Variants in HS3ST4 observed in about 807,000 individuals in gnomAD.
HS3ST4 encodes the protein heparan sulfate glucosamine 3-O-sulfotransferase 4.
Under a neutral mutation model 29.2 loss-of-function variants are expected in HS3ST4, and 17 were observed. That is an observed-to-expected ratio of 0.58 (90% CI 0.40 to 0.87). HS3ST4 has a LOEUF of 0.87. Among genes scored for constraint, HS3ST4 ranks in the 40% least tolerant of loss-of-function variants. The pLI is 0.00. For missense variants in HS3ST4, 627 were observed against 634.5 expected (o/e 0.99, Z 0.13); for synonymous variants, 314 against 285.7 (o/e 1.10, Z -1.00).
intron 1 of HS3ST4, among the ~76,000 whole-genome samples, chr16:25,964,152 G>A (rs1370631235): frequency 6.7e-6 from 1 of 149,528 alleles, no homozygotes; most frequent in Non-Finnish European, 1.5e-5. Flanking sequence ...TCCAGCCTGA[G>A]TGACAAGATT....
At position 26,003,557 on chromosome 16, in the gene HS3ST4, C is replaced by A. The variant is rs1969230711; in HGVS notation, c.735-132055C>A. On this transcript the variant is annotated intron_variant, in intron 1 of 1. Coordinates refer to ENST00000331351, the MANE Select transcript of HS3ST4 (RefSeq NM_006040.3). ...CCACCAGAAACTGAAGACTTGGATG[C>A]CCCCAGTTTAGCAATCTTAGCAGGA... 2.0e-5 allele frequency among the ~76,000 whole-genome samples: 3 copies of A among 152,242 alleles called. No homozygotes were observed. In the South Asian group the frequency reaches 6.2e-4, roughly 32 times the overall value.
At chr16:25,934,783 A>G (rs1040380044) in intron 1 of HS3ST4, among the ~76,000 whole-genome samples, 1 of 152,138 alleles carries the variant, frequency 6.6e-6, no homozygotes, top group Non-Finnish European at 1.5e-5. Flanking sequence ...GGATTTTTTA[A>G]TGTAAACTTT....
intron 1 of HS3ST4, among the ~76,000 whole-genome samples, chr16:26,109,223 A>G (rs1899095668): frequency 6.6e-6 from 1 of 152,182 alleles, no homozygotes; most frequent in South Asian, 2.1e-4. Context: ...GGCTGTGGCA[A>G]AGGGAGGCAG....
At chr16:26,132,798 G>C (rs57702844) in intron 1 of HS3ST4, among the ~76,000 whole-genome samples, 3,263 of 152,222 alleles carry the variant, frequency 0.021, 119 homozygotes, top group African/African-American at 0.074. Context: ...TGTGTCAAAA[G>C]TACATCAGGG....
intron 1 of HS3ST4, among the ~76,000 whole-genome samples, chr16:26,018,715 A>T (rs775111239): frequency 6.6e-6 from 1 of 152,096 alleles, no homozygotes; most frequent in Non-Finnish European, 1.5e-5. Flanking sequence ...CCTGGAGGCA[A>T]ATTGGGTCCT....
chr16:26,122,516 C>T (rs964243138), intron 1 of HS3ST4, among the ~76,000 whole-genome samples: 4 of 152,138 alleles, frequency 2.6e-5, no homozygotes, highest in African/African-American at 9.7e-5. Context: ...CAGTTTGAGG[C>T]GTGGGCCCGG....
intron 1 of HS3ST4, among the ~76,000 whole-genome samples, chr16:25,723,195 T>C (rs1269067881): frequency 6.6e-6 from 1 of 152,196 alleles, no homozygotes; most frequent in Non-Finnish European, 1.5e-5. Context: ...GTGACACGGC[T>C]AAACCATATT....
chr16:25,914,805 CTG>C (rs1352438036), intron 1 of HS3ST4, among the ~76,000 whole-genome samples: 1 of 151,768 alleles, frequency 6.6e-6, no homozygotes, highest in East Asian at 1.9e-4. Flanking sequence ...TCTCACCCCT[CTG>C]TGAGAAACAG....
intron 1 of HS3ST4, among the ~76,000 whole-genome samples, chr16:26,037,952 A>T (rs1969598177): frequency 6.6e-6 from 1 of 152,142 alleles, no homozygotes; most frequent in African/African-American, 2.4e-5. Context: ...CAAAGCATAT[A>T]ACAGATCAGG....
intron 1 of HS3ST4, among the ~76,000 whole-genome samples, chr16:25,920,190 A>C (rs957193097): frequency 1.3e-5 from 2 of 152,172 alleles, no homozygotes; most frequent in Non-Finnish European, 2.9e-5. Context: ...GGAATATTGC[A>C]GTAACCTAAG....
Position 26,077,213 on chromosome 16 carries a change from A to G in HS3ST4, c.735-58399A>G, listed in dbSNP as rs192077684. ...TCCAAGATGGTGAACAAAAGCAGGA[A>G]CTGCAAGGCCATTTAGGGCCCAGGG... On this transcript the variant is annotated intron_variant, in intron 1 of 1. Coordinates refer to ENST00000331351, the MANE Select transcript of HS3ST4 (RefSeq NM_006040.3). Among the ~76,000 whole-genome samples the G allele has an allele frequency of 2.0e-4, 31 of 152,326 alleles. 1 individual carries two copies. In the East Asian group the frequency reaches 4.6e-3, roughly 23 times the overall value.
chr16:25,781,750 A>C (rs1262733368), intron 1 of HS3ST4, among the ~76,000 whole-genome samples: 1 of 152,186 alleles, frequency 6.6e-6, no homozygotes, highest in Non-Finnish European at 1.5e-5. Context: ...CCCAACTGAA[A>C]GTTTAGCAGT....
intron 1 of HS3ST4, among the ~76,000 whole-genome samples, chr16:26,027,255 T>C (rs1431188510): frequency 6.6e-6 from 1 of 152,204 alleles, no homozygotes; most frequent in Non-Finnish European, 1.5e-5. Context: ...ATGGTTCTCA[T>C]TGGCCAGTAG....
chr16:25,694,649 C>T (rs1418053606), intron 1 of HS3ST4, among the ~76,000 whole-genome samples: 2 of 152,134 alleles, frequency 1.3e-5, no homozygotes, highest in East Asian at 3.8e-4. Flanking sequence ...ATTAATGCAG[C>T]AACAGCAAAA....
intron 1 of HS3ST4, among the ~76,000 whole-genome samples, chr16:26,086,124 G>A (rs1270876695): frequency 6.6e-6 from 1 of 151,806 alleles, no homozygotes; most frequent in Non-Finnish European, 1.5e-5. Flanking sequence ...TCCTAATTCC[G>A]AATTTTCTCA....
At chr16:25,738,247 G>C (rs755854226) in intron 1 of HS3ST4, among the ~76,000 whole-genome samples, 6 of 152,088 alleles carry the variant, frequency 3.9e-5, no homozygotes, top group African/African-American at 1.4e-4. Context: ...TGTCTCCTAC[G>C]GGAAGTTTTC....
intron 1 of HS3ST4, among the ~76,000 whole-genome samples, chr16:25,893,192 G>C (rs2141669743): frequency 6.6e-6 from 1 of 152,290 alleles, no homozygotes; most frequent in East Asian, 1.9e-4. Flanking sequence ...AGACTAGGAT[G>C]GCTGGGGCTT....
intron 1 of HS3ST4, among the ~76,000 whole-genome samples, chr16:25,977,043 C>G (rs774105582): frequency 7.9e-5 from 12 of 152,102 alleles, no homozygotes; most frequent in Non-Finnish European, 1.6e-4. Context: ...GACCCCTCAC[C>G]CAATGTCTTT....
At chr16:26,058,015 A>G (rs578038429) in intron 1 of HS3ST4, among the ~76,000 whole-genome samples, 39 of 151,786 alleles carry the variant, frequency 2.6e-4, no homozygotes, top group African/African-American at 9.0e-4. Flanking sequence ...CAATCTGAGA[A>G]GTCCTCTCTG....
Sources: allele counts gnomAD v4.1 joint callset (sites outside exome capture counted in the v4.1 genomes callset), GRCh38; gene constraint gnomAD v4.1.1; transcripts MANE v1.5; gene names NCBI Gene and HGNC (gene_info 2026-07-23, HGNC 2026-07-21).